The following TBC1D9B variants were observed in gnomAD, a reference collection of about 807,000 sequenced individuals.
The protein encoded by TBC1D9B is TBC1 domain family, member 9B (with GRAM domain).
TBC1D9B carries 87 observed loss-of-function variants against 121.1 expected under a neutral mutation model. The ratio of observed to expected loss-of-function variants is 0.72; its 90% CI spans 0.60 to 0.86. The LOEUF (loss-of-function observed/expected upper bound fraction) is 0.86, where lower values mean the gene tolerates loss of function less well. Among genes scored for constraint, TBC1D9B ranks in the 40% least tolerant of loss-of-function variants. The pLI is 0.00. For synonymous variants in TBC1D9B, 668 were observed against 670.1 expected, an observed-to-expected ratio of 1.00 and a Z score of 0.05; for missense variants, 1,540 against 1,628.6, an observed-to-expected ratio of 0.95 and a Z score of 0.94.
chr5:179,875,066 G>A lies in TBC1D9B; in HGVS notation c.2022C>T (p.Leu674=). The A allele has an allele frequency of 6.2e-7, 1 of 1,614,130 alleles. No homozygotes were observed. Among genetic ancestry groups the A allele is most frequent in the South Asian group, 1.1e-5 (1 of 91,086 alleles). The change falls in exon 12 of 21, where the codon CTC becomes CTT. Residue 674 remains leucine, a synonymous_variant. Transcript: ENST00000355235. This position sits in a 1 kb window ranked among gnomAD's most constrained non-coding sequence, Gnocchi z 4.5. Reference sequence around the variant, plus strand: ...TCTCGAAGGGCATGACGCTGAGGAAGAGGGTCAGGAACCAGGACAGCGAGA... The same window carrying A: ...TCTCGAAGGGCATGACGCTGAGGAAAAGGGTCAGGAACCAGGACAGCGAGA... ...SSISLSWFLT[L]FLSVMPFESA... is the part of the protein sequence containing the mutation.
chr5:179,869,933 A>T, intron 16 of TBC1D9B, 99 bp from the exon 17 acceptor site: 1 of 1,214,104 alleles, frequency 8.2e-7, no homozygotes, highest in Non-Finnish European at 1.1e-6. Context: ...GTGCTGCCCA[A>T]CTCCCTCCTG....
chr5:179,887,925 T>C, intron 7 of TBC1D9B, 178 bp downstream of exon 7: 2 of 734,212 alleles, frequency 2.7e-6, no homozygotes, highest in Non-Finnish European at 4.7e-6. Flanking sequence ...AGAGAGGCTG[T>C]GATGTTGCTG....
intron 3 of TBC1D9B, among the ~76,000 whole-genome samples, chr5:179,896,270 C>T (rs1761015815): frequency 6.6e-6 from 1 of 152,166 alleles, no homozygotes; most frequent in African/African-American, 2.4e-5. Flanking sequence ...CTGTTTTTGT[C>T]TTGTTAATCT....
rs147170449 is a variant in TBC1D9B, at chr5:179,885,318, G to A, written c.1254+2785C>T. Among the ~76,000 whole-genome samples the A allele has an allele frequency of 2.1e-3, 324 of 152,302 alleles. No individual in the cohort carries two copies. Among genetic ancestry groups the A allele is most frequent in the African/African-American group, 7.3e-3 (305 of 41,564 alleles). On this transcript the variant is annotated intron_variant, in intron 7 of 20. Transcript: ENST00000355235. This position sits in a 1 kb window ranked among gnomAD's most constrained non-coding sequence, Gnocchi z 4.5. Reference sequence around the variant, plus strand: ...AAAAAATGATGGAGTGGCCAGGCACGGTGGCTCACCCCTGTAATCCCAGCA... The same window carrying A: ...AAAAAATGATGGAGTGGCCAGGCACAGTGGCTCACCCCTGTAATCCCAGCA...
intron 15 of TBC1D9B, 80 bp from the exon 16 acceptor site, chr5:179,870,575 C>T (rs1760162519): frequency 4.0e-6 from 6 of 1,493,134 alleles, no homozygotes; most frequent in Non-Finnish European, 5.3e-6. Context: ...GGTGTGTCCA[C>T]CCTCCCCCTC....
chr5:179,863,749 T>C lies in TBC1D9B; in HGVS notation c.3401A>G (p.Asp1134Gly), dbSNP rs756638541. 1 of 1,613,510 alleles carries C rather than the reference T, an allele frequency of 6.2e-7. No individual in the cohort carries two copies. The highest frequency in any genetic ancestry group is 1.1e-5 in the South Asian group (1 of 91,062). The change falls in exon 21 of 21, where the codon GAC becomes GGC. Residue 1134 changes from aspartate (D) to glycine (G), a missense_variant. Physicochemically the swap from Asp to Gly is moderately conservative, Grantham distance 94. Transcript: ENST00000355235. This position sits in a 1 kb window ranked among gnomAD's most constrained non-coding sequence, Gnocchi z 4.5. ...QLLSDDETKDDMSMSSYSVVS... is the reference protein window; with the variant it reads ...QLLSDDETKDGMSMSSYSVVS... ...CACCGAGTAGGAGGACATGGACATG[T>C]CGTCTTTGGTTTCATCGTCAGACAG... is the stretch of plus-strand genomic sequence containing the variant.
intron 15 of TBC1D9B, 125 bp downstream of exon 15, chr5:179,871,336 GT>G (rs780908304): frequency 9.4e-6 from 9 of 955,008 alleles, no homozygotes; most frequent in Non-Finnish European, 1.4e-5. Context: ...ACTTAGATCT[GT>G]TTCTGTTTTT....
chr5:179,873,323 G>A (rs1320068091), intron 12 of TBC1D9B, 75 bp from the exon 13 acceptor site: 80 of 1,477,770 alleles, frequency 5.4e-5, no homozygotes, highest in East Asian at 4.4e-4. Context: ...TGGGTGATGC[G>A]GAGGGACCCA....
chr5:179,870,700 G>T, intron 15 of TBC1D9B: 2 of 763,728 alleles, frequency 2.6e-6, no homozygotes, highest in Non-Finnish European at 4.1e-6. Flanking sequence ...GGGGTTGGCT[G>T]AGAGACAGAG....
intron 2 of TBC1D9B, among the ~76,000 whole-genome samples, chr5:179,901,643 C>T (rs988366879): frequency 1.3e-5 from 2 of 152,082 alleles, no homozygotes; most frequent in Non-Finnish European, 1.5e-5. Context: ...GGCATGGTTG[C>T]GTGGGCCTGC....
At chr5:179,880,552 G>A (rs1014628865) in intron 7 of TBC1D9B, among the ~76,000 whole-genome samples, 1 of 152,188 alleles carries the variant, frequency 6.6e-6, no homozygotes, top group African/African-American at 2.4e-5. Context: ...CAGCTGCCAG[G>A]GTGCTGGGCG....
intron 6 of TBC1D9B, among the ~76,000 whole-genome samples, chr5:179,889,316 CCG>C (rs1486256898): frequency 2.0e-5 from 3 of 152,144 alleles, no homozygotes; most frequent in African/African-American, 7.2e-5. Flanking sequence ...GCGTGAGCCA[CCG>C]CGCCCAGTCT....
rs767404080 is a variant in TBC1D9B, at chr5:179,899,169, G to A, written c.348+20C>T. 6.5e-7 allele frequency: 1 copy of A among 1,549,576 alleles called. No individual in the cohort carries two copies. The highest frequency in any genetic ancestry group is 8.8e-7 in the Non-Finnish European group (1 of 1,138,820). On this transcript the variant is annotated intron_variant, in intron 3 of 20. Transcript: ENST00000355235. ...CTGGCCAGGGAAGGGTGAGAACAGA[G>A]AGTGGCGGGTAAACCTTACGTGTAT...
chr5:179,867,637 C>T (rs768677217), intron 18 of TBC1D9B, 141 bp downstream of exon 18: 20 of 1,484,928 alleles, frequency 1.3e-5, no homozygotes, highest in African/African-American at 2.8e-5. Context: ...GAGCCCAGCC[C>T]GTGGTCCCCT....
At chr5:179,873,758 C>T (rs1292580805) in intron 12 of TBC1D9B, among the ~76,000 whole-genome samples, 2 of 152,146 alleles carry the variant, frequency 1.3e-5, no homozygotes, top group African/African-American at 2.4e-5. Flanking sequence ...GACCTAGCCC[C>T]GCCAGAGTTC....
chr5:179,897,459 A>G (rs1326527249), intron 3 of TBC1D9B, among the ~76,000 whole-genome samples: 1 of 151,996 alleles, frequency 6.6e-6, no homozygotes, highest in Non-Finnish European at 1.5e-5. Flanking sequence ...CTGGGACTAC[A>G]GGCCCATGCC....
chr5:179,902,059 GATCAA>G lies in TBC1D9B; in HGVS notation c.229+2638_229+2642del, dbSNP rs976028542. Reference sequence around the variant, plus strand: ...ACCCAAGGTCACACAGCTGGGAAGTGATCAAATCAGAATCCTAACCCTGGGTGCCT... The same window carrying G: ...ACCCAAGGTCACACAGCTGGGAAGTGATCAGAATCCTAACCCTGGGTGCCT... On this transcript the variant is annotated intron_variant, in intron 2 of 20. Coordinates refer to ENST00000355235, the MANE Select transcript of TBC1D9B (RefSeq NM_015043.4). The surrounding 1 kb of genome is among the most constrained non-coding windows in gnomAD (Gnocchi z 4.9). Among the ~76,000 whole-genome samples, 99 of 152,364 alleles carry G rather than the reference GATCAA, an allele frequency of 6.5e-4. No individual in the cohort carries two copies. Among genetic ancestry groups the G allele is most frequent in the African/African-American group, 2.3e-3 (96 of 41,586 alleles).
chr5:179,874,074 T>C lies in TBC1D9B; in HGVS notation c.2187-826A>G, dbSNP rs1760284775. ...GGCAAGTGGCAGAGTCCCAGGCTGT[T>C]CCTGGGGGCTGGGGGCATTCCAGTC... is the stretch of plus-strand genomic sequence containing the variant. On this transcript the variant is annotated intron_variant, in intron 12 of 20. Coordinates refer to ENST00000355235, the MANE Select transcript of TBC1D9B (RefSeq NM_015043.4). The surrounding 1 kb of genome is among the most constrained non-coding windows in gnomAD (Gnocchi z 4.3). Among the ~76,000 whole-genome samples, 1 of 152,152 alleles carries C rather than the reference T, an allele frequency of 6.6e-6. No individual in the cohort carries two copies. The highest frequency in any genetic ancestry group is 6.5e-5 in the Admixed American group (1 of 15,286).
At chr5:179,899,792 C>T (rs1157983130) in intron 2 of TBC1D9B, among the ~76,000 whole-genome samples, 1 of 152,178 alleles carries the variant, frequency 6.6e-6, no homozygotes, top group African/African-American at 2.4e-5. Flanking sequence ...ACTCCAGGCC[C>T]CTGGCCAGCG....
Sources: gnomAD v4.1 joint callset for allele counts (sites outside exome capture counted in the v4.1 genomes callset) on GRCh38, gnomAD v4.1.1 for gene constraint, Gnocchi (gnomAD v3.1) non-coding constraint, MANE v1.5 for transcripts, NCBI Gene and HGNC (gene_info 2026-07-23, HGNC 2026-07-21) for gene names.